NUDCD3: variants seen among roughly 807,000 people sequenced by gnomAD.
The protein encoded by NUDCD3 is NudC domain containing 3.
Under a neutral mutation model 39.7 loss-of-function variants are expected in NUDCD3, and 13 were observed. The observed-to-expected ratio is 0.33, with a 90% CI of 0.21 to 0.52. NUDCD3 has a LOEUF of 0.52. NUDCD3 is among the 20% of genes least tolerant of loss of function. The pLI is 0.96. For synonymous variants in NUDCD3, 175 were observed against 172.4 expected, an observed-to-expected ratio of 1.02 and a Z score of -0.12; for missense variants, 453 against 458.1, an observed-to-expected ratio of 0.99 and a Z score of 0.10.
At chr7:44,420,828 T>C (rs900934834) in intron 3 of NUDCD3, among the ~76,000 whole-genome samples, 8 of 152,224 alleles carry the variant, frequency 5.3e-5, no homozygotes, top group African/African-American at 1.9e-4. Context: ...CAGGCCTGCC[T>C]TACAAGAGCT....
intron 4 of NUDCD3, among the ~76,000 whole-genome samples, chr7:44,403,214 C>T (rs867049107): frequency 2.1e-4 from 32 of 152,364 alleles, no homozygotes; most frequent in Middle Eastern, 3.4e-3. Context: ...CCATCTACCA[C>T]TGGCCATCAG....
intron 2 of NUDCD3, among the ~76,000 whole-genome samples, chr7:44,442,839 G>C (rs1034233614): frequency 6.6e-6 from 1 of 151,984 alleles, no homozygotes; most frequent in African/African-American, 2.4e-5. Context: ...GGGACTACAG[G>C]CGCCCACCAC....
At chr7:44,427,802 A>C in intron 2 of NUDCD3, 99 bp from the exon 3 acceptor site, 1 of 1,288,730 alleles carries the variant, frequency 7.8e-7, no homozygotes, top group Non-Finnish European at 1.1e-6. Flanking sequence ...TGGAGACGTG[A>C]CCAACTCAAG....
In NUDCD3 at chr7:44,404,520, C is replaced by A. The variant is rs201003414; in HGVS notation, c.706G>T (p.Val236Phe). 6.2e-7 allele frequency: 1 copy of A among 1,613,836 alleles called. No individual in the cohort carries two copies. The highest frequency in any genetic ancestry group is 1.3e-5 in the African/African-American group (1 of 74,854). Residue 236 changes from valine (V) to phenylalanine (F), a missense_variant, in exon 4 of 6, where the codon GTC (valine) becomes TTC (phenylalanine). By Grantham distance (50) the Val-to-Phe change is conservative. Transcript: ENST00000355451. ...VAMLEENGER[V>F]LMEGKLTHKI... is the part of the protein sequence containing the mutation. The stretch of plus-strand genomic sequence containing the variant: ...TGGGTGAGCTTCCCTTCCATGAGGA[C>A]GCGCTCCCCATTTTCCTCCAGCATG...
Position 44,404,446 on chromosome 7 carries a change from G to A in NUDCD3, c.780C>T (p.Cys260=), listed in dbSNP as rs757330022. Reference sequence around the variant, plus strand: ...CACAGGTGCCCAAACTTACCAAAACGCACTTCCCGGGCTCGAGACTCCAGA... The same window carrying A: ...CACAGGTGCCCAAACTTACCAAAACACACTTCCCGGGCTCGAGACTCCAGA... The part of the protein sequence containing the change: ...SSLWSLEPGK[C]VLVNLSKVGE... Residue 260 remains cysteine, a synonymous_variant, in exon 4 of 6, where the codon TGC becomes TGT. Transcript: ENST00000355451. 103 of 1,613,778 alleles carry A rather than the reference G, an allele frequency of 6.4e-5. No homozygotes were observed. The highest frequency in any genetic ancestry group is 1.5e-4 in the Admixed American group (9 of 60,002).
chr7:44,467,160 C>A (rs917829870), intron 2 of NUDCD3, among the ~76,000 whole-genome samples: 5 of 152,114 alleles, frequency 3.3e-5, no homozygotes, highest in Admixed American at 6.5e-5. Flanking sequence ...GCATCTCACC[C>A]CTACTGAAGA....
rs754743111 is a variant in NUDCD3 at position 44,392,490 on chromosome 7, G to A, written c.787-5C>T. On this transcript the variant is annotated splice_region_variant and splice_polypyrimidine_tract_variant and intron_variant, in intron 4 of 5. Transcript: ENST00000355451. ...GCCCACCTTGCTCAGGTTCACCTGG[G>A]GACAAGCAGGACAGAGACCTGAGTC... 6 of 1,613,126 alleles carry A rather than the reference G, an allele frequency of 3.7e-6. No homozygotes were observed. The highest frequency in any genetic ancestry group is 5.1e-6 in the Non-Finnish European group (6 of 1,179,360).
intron 2 of NUDCD3, among the ~76,000 whole-genome samples, chr7:44,476,196 C>G (rs1372715568): frequency 2.6e-5 from 4 of 152,136 alleles, no homozygotes; most frequent in African/African-American, 9.7e-5. Context: ...CAGTGTGAGC[C>G]TACACACGGA....
At position 44,380,522 on chromosome 7, in the gene NUDCD3, T is replaced by C. The variant is rs556733743; in HGVS notation, c.*5489A>G. On this transcript the variant is annotated 3_prime_UTR_variant, in exon 6 of 6. Coordinates refer to ENST00000355451, the MANE Select transcript of NUDCD3 (RefSeq NM_015332.4). ...GCCCATTCCCTGACAGGTACCTGGG[T>C]TTCCCAGCCTTTGATGACCCCAAAC... is the stretch of plus-strand genomic sequence containing the variant. 2 of 152,354 alleles carry C rather than the reference T, an allele frequency of 1.3e-5. No homozygotes were observed. Among genetic ancestry groups the C allele is most frequent in the African/African-American group, 2.4e-5 (1 of 41,574 alleles). 9.4% of individuals were successfully genotyped at this position (152,354 alleles called of 1,614,324 possible).
At chr7:44,414,544 C>T (rs978782203) in intron 3 of NUDCD3, among the ~76,000 whole-genome samples, 14 of 152,038 alleles carry the variant, frequency 9.2e-5, no homozygotes, top group African/African-American at 3.4e-4. Flanking sequence ...TTGAAATATC[C>T]CCAAAACCAG....
intron 1 of NUDCD3, among the ~76,000 whole-genome samples, chr7:44,487,195 C>A (rs530356046): frequency 6.6e-6 from 1 of 152,282 alleles, no homozygotes; most frequent in Admixed American, 6.5e-5. Flanking sequence ...TTTTCACATA[C>A]ATCATTCCTG....
chr7:44,445,593 T>C (rs560120950), intron 2 of NUDCD3, among the ~76,000 whole-genome samples: 1 of 152,356 alleles, frequency 6.6e-6, no homozygotes, highest in African/African-American at 2.4e-5. Context: ...TTGGTCTTTT[T>C]CCTGTTTGTT....
chr7:44,413,325 G>T (rs535413152), intron 3 of NUDCD3: 1 of 152,088 alleles, frequency 6.6e-6, no homozygotes, highest in East Asian at 1.9e-4. Context: ...ATGGCAGTTC[G>T]TGCCTGTGGT....
intron 2 of NUDCD3, among the ~76,000 whole-genome samples, chr7:44,435,940 C>G (rs1308098293): frequency 6.6e-6 from 1 of 152,166 alleles, no homozygotes; most frequent in African/African-American, 2.4e-5. Flanking sequence ...CAGGAGCACA[C>G]AGTCAGCCAG....
At chr7:44,399,315 C>T (rs1351994284) in intron 4 of NUDCD3, among the ~76,000 whole-genome samples, 3 of 152,244 alleles carry the variant, frequency 2.0e-5, no homozygotes, top group African/African-American at 4.8e-5. Context: ...CCCTGAAAAA[C>T]GCTGAGGGCT....
intron 2 of NUDCD3, among the ~76,000 whole-genome samples, chr7:44,429,123 C>G (rs954565457): frequency 2.0e-5 from 3 of 152,206 alleles, no homozygotes; most frequent in African/African-American, 7.2e-5. Context: ...TGGGTATGCC[C>G]TGCACACTGT....
In NUDCD3 at chr7:44,490,208, A is replaced by G; in HGVS notation, c.192+201T>C. The G allele has an allele frequency of 5.3e-6, 3 of 563,326 alleles. No homozygotes were observed. The South Asian group carries it at 6.9e-5, about 13-fold the overall frequency. The allele number at this position is 563,326 out of a possible 1,614,324, so 34.9% of individuals were successfully genotyped here. On this transcript the variant is annotated intron_variant, in intron 1 of 5. Transcript: ENST00000355451. Reference sequence around the variant, plus strand: ...GTCGGCTTACTACTTCTGAAACCTCAGGACGTCCGGAGCGAACACCTCAGC... The same window carrying G: ...GTCGGCTTACTACTTCTGAAACCTCGGGACGTCCGGAGCGAACACCTCAGC...
At chr7:44,391,223 T>C (rs1798508758) in intron 5 of NUDCD3, among the ~76,000 whole-genome samples, 1 of 152,144 alleles carries the variant, frequency 6.6e-6, no homozygotes, top group Non-Finnish European at 1.5e-5. Context: ...AACCCCACCT[T>C]AACTGTGTGT....
chr7:44,398,860 G>C (rs1185291633), intron 4 of NUDCD3, among the ~76,000 whole-genome samples: 1 of 152,238 alleles, frequency 6.6e-6, no homozygotes, highest in Non-Finnish European at 1.5e-5. Flanking sequence ...CACCTGCTCA[G>C]CACCTGCTGC....
Sources: gnomAD v4.1 joint callset for allele counts (sites outside exome capture counted in the v4.1 genomes callset) on GRCh38, gnomAD v4.1.1 for gene constraint, MANE v1.5 for transcripts, NCBI Gene and HGNC (gene_info 2026-07-23, HGNC 2026-07-21) for gene names.